WDR45B: variants seen among roughly 807,000 people sequenced by gnomAD.
WDR45B encodes WD repeat domain 45B.
A neutral mutation model predicts 44.6 loss-of-function variants in WDR45B; 20 were observed. The ratio of observed to expected loss-of-function variants is 0.45; its 90% CI spans 0.32 to 0.65. The LOEUF is 0.65. Among genes scored for constraint, WDR45B ranks in the 30% least tolerant of loss-of-function variants. The pLI, the probability that WDR45B is intolerant of heterozygous loss-of-function variation, is 0.05. For missense variants in WDR45B, 323 were observed against 430.2 expected (o/e 0.75, Z 2.20); for synonymous variants, 169 against 164.9 (o/e 1.02, Z -0.19).
chr17:82,638,723 T>C (rs1453089225), intron 2 of WDR45B, among the ~76,000 whole-genome samples: 5 of 152,074 alleles, frequency 3.3e-5, no homozygotes, highest in African/African-American at 1.2e-4. Flanking sequence ...CTGTGGAGTT[T>C]TATTTTTAAA....
chr17:82,637,500 G>A (rs1045131079), intron 2 of WDR45B, among the ~76,000 whole-genome samples: 2 of 151,914 alleles, frequency 1.3e-5, no homozygotes, highest in African/African-American at 2.4e-5. Flanking sequence ...CCTGGAGAGA[G>A]TATTAGATCC....
intron 9 of WDR45B, 79 bp downstream of exon 9, chr17:82,616,444 TG>T (rs2045536544): frequency 1.4e-5 from 22 of 1,607,822 alleles, no homozygotes; most frequent in Non-Finnish European, 1.9e-5. Context: ...GGGACGTCCA[TG>T]GGAAGTTAGG....
At position 82,648,380 on chromosome 17, in the gene WDR45B, GCCTC is replaced by G. The variant is rs1226662255; in HGVS notation, c.-44_-41del. The G allele has an allele frequency of 1.5e-5, 24 of 1,595,198 alleles. No individual in the cohort carries two copies. Among genetic ancestry groups the G allele is most frequent in the Non-Finnish European group, 2.0e-5 (23 of 1,172,926 alleles). On this transcript the variant is annotated 5_prime_UTR_variant, in exon 1 of 10. Coordinates refer to ENST00000392325, the MANE Select transcript of WDR45B (RefSeq NM_019613.4). The stretch of plus-strand genomic sequence containing the variant: ...GGGTCGCCGCTCCTCAGCGCTGCAT[GCCTC>G]TCGCTGGGGACGGCGGCCTGGTCCC...
At chr17:82,641,878 A>G (rs922638012) in intron 2 of WDR45B, among the ~76,000 whole-genome samples, 2 of 152,194 alleles carry the variant, frequency 1.3e-5, no homozygotes, top group African/African-American at 4.8e-5. Context: ...AGCCTGGGCA[A>G]CAGAGCGAGA....
In WDR45B at chr17:82,627,200, C is replaced by G. The variant is rs1278133976; in HGVS notation, c.332+4G>C. 6.2e-7 allele frequency: 1 copy of G among 1,611,730 alleles called. No homozygotes were observed. Among genetic ancestry groups the G allele is most frequent in the Admixed American group, 1.7e-5 (1 of 60,030 alleles). On this transcript the variant is annotated splice_donor_region_variant and intron_variant, in intron 4 of 9. Coordinates refer to ENST00000392325, the MANE Select transcript of WDR45B (RefSeq NM_019613.4). ...CTTTAAAAAATTACTGACACCAAAC[C>G]CACCTATCTCGCCGCAGCTTGACTG...
intron 3 of WDR45B, 80 bp downstream of exon 3, chr17:82,630,841 T>C (rs2045757777): frequency 1.5e-6 from 2 of 1,351,286 alleles, no homozygotes; most frequent in Non-Finnish European, 1.1e-6. Context: ...AAATCACACA[T>C]GGCCACAAAC....
intron 5 of WDR45B, among the ~76,000 whole-genome samples, chr17:82,622,382 C>T (rs1224667493): frequency 1.3e-5 from 2 of 152,120 alleles, no homozygotes; most frequent in Non-Finnish European, 2.9e-5. Context: ...TGAAGAAAGA[C>T]AAGCTGATAC....
intron 2 of WDR45B, among the ~76,000 whole-genome samples, chr17:82,635,032 TGATG>T (rs1412334731): frequency 6.6e-6 from 1 of 152,012 alleles, no homozygotes; most frequent in Non-Finnish European, 1.5e-5. Flanking sequence ...GAGGCAGAAT[TGATG>T]GATGTAGACT....
chr17:82,629,618 T>C (rs2045742352), intron 3 of WDR45B: 1 of 985,384 alleles, frequency 1.0e-6, no homozygotes, highest in South Asian at 4.7e-5. Flanking sequence ...TCCCATTTCA[T>C]TTCTCTGTTC....
At chr17:82,645,169 G>A (rs925993496) in intron 1 of WDR45B, among the ~76,000 whole-genome samples, 3 of 151,968 alleles carry the variant, frequency 2.0e-5, no homozygotes, top group African/African-American at 7.2e-5. Flanking sequence ...GTGGTGGTGA[G>A]CGCCTGTAAT....
chr17:82,634,691 G>A (rs1331170517), intron 2 of WDR45B, among the ~76,000 whole-genome samples: 2 of 151,882 alleles, frequency 1.3e-5, no homozygotes, highest in South Asian at 2.1e-4. Context: ...TGCTCCATAC[G>A]TGCAGTGATT....
chr17:82,644,229 CA>C (rs1217537406), intron 1 of WDR45B: 2 of 617,844 alleles, frequency 3.2e-6, no homozygotes, highest in East Asian at 2.9e-5. Context: ...TGTCCTTTAG[CA>C]AAGGAGTCTT....
intron 1 of WDR45B, among the ~76,000 whole-genome samples, chr17:82,648,042 C>T (rs536499948): frequency 1.4e-5 from 2 of 146,532 alleles, no homozygotes; most frequent in African/African-American, 5.0e-5. Context: ...GGTGGGGGAG[C>T]GCGAAAGGCC....
chr17:82,641,967 T>C (rs1405192134), intron 2 of WDR45B, among the ~76,000 whole-genome samples: 2 of 148,458 alleles, frequency 1.3e-5, no homozygotes, highest in Non-Finnish European at 3.0e-5. Flanking sequence ...AAAAAAAAAA[T>C]CAAAGAAAAA....
chr17:82,636,277 A>AG (rs1230053360), intron 2 of WDR45B, among the ~76,000 whole-genome samples: 2 of 151,216 alleles, frequency 1.3e-5, no homozygotes, highest in East Asian at 1.9e-4. Context: ...AAAAAAAAAA[A>AG]AAGAAGACAA....
rs1225022036 is a variant in WDR45B at position 82,625,472 on chromosome 17, A to C, written c.344T>G (p.Val115Gly). The change falls in exon 5 of 10, where the codon GTT (valine) becomes GGT (glycine). Residue 115 changes from valine (V) to glycine (G), a missense_variant. By Grantham distance (109) the Val-to-Gly change is moderately radical. Coordinates refer to ENST00000392325, the MANE Select transcript of WDR45B (RefSeq NM_019613.4). ...GAACACCTTAATCATGGAGTCCAAA[A>C]CCACCACAATTCTGGAAAGAAAAAC... is the stretch of plus-strand genomic sequence containing the variant. ...VKLRRDRIVV[V>G]LDSMIKVFTF... 1 of 1,614,096 alleles carries C rather than the reference A, an allele frequency of 6.2e-7. No individual in the cohort carries two copies. Among genetic ancestry groups the C allele is most frequent in the African/African-American group, 1.3e-5 (1 of 74,944 alleles).
intron 5 of WDR45B, among the ~76,000 whole-genome samples, chr17:82,624,168 A>G (rs2045660061): frequency 6.6e-6 from 1 of 152,208 alleles, no homozygotes; most frequent in African/African-American, 2.4e-5. Context: ...CAACAAAGTA[A>G]CACACATACA....
intron 3 of WDR45B, chr17:82,630,058 T>A (rs1240578393): frequency 2.2e-6 from 2 of 891,502 alleles, no homozygotes; most frequent in African/African-American, 3.6e-5. Flanking sequence ...CCAGATGGCT[T>A]TTCTCAGGCC....
intron 2 of WDR45B, among the ~76,000 whole-genome samples, chr17:82,641,651 C>T (rs1452090740): frequency 6.6e-6 from 1 of 152,142 alleles, no homozygotes; most frequent in Admixed American, 6.5e-5. Context: ...AATCCCAGCA[C>T]TTTGGGAGGA....
Sources: allele counts gnomAD v4.1 joint callset (sites outside exome capture counted in the v4.1 genomes callset), GRCh38; gene constraint gnomAD v4.1.1; transcripts MANE v1.5; gene names NCBI Gene and HGNC (gene_info 2026-07-23, HGNC 2026-07-21).